STAM2: variants seen among roughly 807,000 people sequenced by gnomAD.
STAM2 encodes the protein signal transducing adaptor molecule 2.
In STAM2, 51 loss-of-function variants were observed where a neutral mutation model predicts 65.6. That is an observed-to-expected ratio of 0.78 (90% CI 0.62 to 0.98). The LOEUF (loss-of-function observed/expected upper bound fraction) is 0.98, where lower values mean the gene tolerates loss of function less well. STAM2 is among the 50% of genes least tolerant of loss of function. The probability of loss-of-function intolerance (pLI) is 0.00; values close to 1 mark genes in which losing one functional copy is unlikely to be tolerated. For missense variants in STAM2, 584 were observed against 617.8 expected, an observed-to-expected ratio of 0.95 and a Z score of 0.58; for synonymous variants, 198 against 208.4, an observed-to-expected ratio of 0.95 and a Z score of 0.43.
chr2:152,161,360 C>G (rs1055590701), intron 1 of STAM2, among the ~76,000 whole-genome samples: 8 of 151,034 alleles, frequency 5.3e-5, no homozygotes, highest in African/African-American at 1.9e-4. Context: ...ACAAACACTG[C>G]GGAAGGCTGC....
intron 11 of STAM2, among the ~76,000 whole-genome samples, chr2:152,131,011 GA>G (rs1560211670): frequency 7.6e-6 from 1 of 131,274 alleles, no homozygotes; most frequent in African/African-American, 2.8e-5. Flanking sequence ...AAAAAAAAAA[GA>G]AAAAAAGAAA....
chr2:152,142,413 C>T lies in STAM2; in HGVS notation c.704+1414G>A, dbSNP rs189847623. Among the ~76,000 whole-genome samples, 391 of 152,184 alleles carry T rather than the reference C, an allele frequency of 2.6e-3. 4 individuals carry two copies. The highest frequency in any genetic ancestry group is 8.7e-3 in the African/African-American group (363 of 41,504). On this transcript the variant is annotated intron_variant, in intron 7 of 13. Transcript: ENST00000263904. ...TCATAGTTGTATAAGAGTATCAAAA[C>T]GGTAAACCTAAGTTCTTTTGTAAGT... is the stretch of plus-strand genomic sequence containing the variant.
intron 1 of STAM2, among the ~76,000 whole-genome samples, chr2:152,173,885 T>C (rs1462718534): frequency 6.6e-6 from 1 of 152,220 alleles, no homozygotes; most frequent in Non-Finnish European, 1.5e-5. Flanking sequence ...ACCCTTAAAA[T>C]GCCTTTGGGG....
chr2:152,160,531 G>A (rs1389235275), intron 1 of STAM2, among the ~76,000 whole-genome samples: 9 of 151,672 alleles, frequency 5.9e-5, no homozygotes, highest in South Asian at 2.1e-4. Context: ...CCCTCCGCCC[G>A]GCAGCCACCG....
chr2:152,159,017 G>C (rs1311080476), intron 1 of STAM2, among the ~76,000 whole-genome samples: 1 of 146,522 alleles, frequency 6.8e-6, no homozygotes, highest in Non-Finnish European at 1.5e-5. Flanking sequence ...CTATTAATAG[G>C]AGGAAAAAAA....
In STAM2 at chr2:152,144,839, G is replaced by A. The variant is rs113775438; in HGVS notation, c.517+49C>T. 1.2e-5 allele frequency: 18 copies of A among 1,545,524 alleles called. No individual in the cohort carries two copies. The African/African-American group carries it at 1.4e-4, about 12-fold the overall frequency. ...GGCGTGAGCCACCGCGCCCAGCCCT[G>A]GCAAAGATATTTTAAGCAACACTAA... On this transcript the variant is annotated intron_variant, in intron 6 of 13. Coordinates refer to ENST00000263904, the MANE Select transcript of STAM2 (RefSeq NM_005843.6).
intron 1 of STAM2, among the ~76,000 whole-genome samples, chr2:152,156,369 G>C (rs188512490): frequency 6.6e-4 from 101 of 152,192 alleles, no homozygotes; most frequent in African/African-American, 2.3e-3. Flanking sequence ...TATGCACTTA[G>C]GAGTATTTTA....
intron 1 of STAM2, among the ~76,000 whole-genome samples, chr2:152,164,855 T>C (rs1052104756): frequency 2.6e-5 from 4 of 152,222 alleles, no homozygotes; most frequent in Admixed American, 2.0e-4. Flanking sequence ...TTTACTGTCC[T>C]TTAATATTTT....
At chr2:152,132,661 T>C (rs576421202) in intron 10 of STAM2, among the ~76,000 whole-genome samples, 1 of 142,718 alleles carries the variant, frequency 7.0e-6, no homozygotes, top group African/African-American at 2.6e-5. Context: ...TATATAAAGA[T>C]TTAAGAAGAA....
chr2:152,141,864 C>T (rs1253204487), intron 7 of STAM2, among the ~76,000 whole-genome samples: 1 of 152,134 alleles, frequency 6.6e-6, no homozygotes, highest in Non-Finnish European at 1.5e-5. Context: ...GCTGGGATTA[C>T]AGGTGTTAGC....
chr2:152,126,153 T>C, intron 12 of STAM2, 73 bp downstream of exon 12: 1 of 1,249,364 alleles, frequency 8.0e-7, no homozygotes, highest in Non-Finnish European at 1.1e-6. Flanking sequence ...CTTAATACTA[T>C]GCTATAAAAC....
chr2:152,161,466 T>C (rs959290509), intron 1 of STAM2, among the ~76,000 whole-genome samples: 3 of 120,896 alleles, frequency 2.5e-5, no homozygotes, highest in African/African-American at 9.6e-5. Flanking sequence ...CAAATCCCCC[T>C]CTGCGAGAAA....
chr2:152,126,106 G>T (rs746657575), intron 12 of STAM2, 120 bp downstream of exon 12: 8 of 866,988 alleles, frequency 9.2e-6, no homozygotes, highest in Admixed American at 3.8e-5. Flanking sequence ...AACAATCAAA[G>T]ATAAATTTTA....
chr2:152,154,568 A>C (rs980043028), intron 1 of STAM2, among the ~76,000 whole-genome samples: 3 of 152,222 alleles, frequency 2.0e-5, no homozygotes, highest in African/African-American at 4.8e-5. Flanking sequence ...CAGTGAGACA[A>C]GATCGCACCA....
intron 1 of STAM2, among the ~76,000 whole-genome samples, chr2:152,159,030 C>T (rs1416749603): frequency 1.4e-5 from 2 of 145,374 alleles, no homozygotes; most frequent in African/African-American, 5.2e-5. Flanking sequence ...GAAAAAAAAC[C>T]TCAATTGCTT....
intron 1 of STAM2, among the ~76,000 whole-genome samples, chr2:152,158,774 T>C (rs1212722591): frequency 2.0e-5 from 3 of 152,104 alleles, no homozygotes; most frequent in African/African-American, 7.2e-5. Context: ...AGGGCCTTCT[T>C]ACTGTGTCCT....
intron 1 of STAM2, among the ~76,000 whole-genome samples, chr2:152,161,203 AC>A (rs1689667191): frequency 6.6e-6 from 1 of 151,232 alleles, no homozygotes; most frequent in Non-Finnish European, 1.5e-5. Context: ...CTTACCCCCA[AC>A]CCTGTGCTCT....
intron 12 of STAM2, chr2:152,124,246 G>A (rs1399442495): frequency 4.1e-6 from 1 of 242,896 alleles, no homozygotes; most frequent in Non-Finnish European, 8.0e-6. Flanking sequence ...ATGTCTTGCT[G>A]TAGAGCCACA....
rs1579321680 is a variant in STAM2 at position 152,144,881 on chromosome 2, C to A, written c.517+7G>T. 1 of 1,612,474 alleles carries A rather than the reference C, an allele frequency of 6.2e-7. No homozygotes were observed. Among genetic ancestry groups the A allele is most frequent in the Non-Finnish European group, 8.5e-7 (1 of 1,178,582 alleles). On this transcript the variant is annotated splice_region_variant and intron_variant, in intron 6 of 13. Coordinates refer to ENST00000263904, the MANE Select transcript of STAM2 (RefSeq NM_005843.6). The stretch of plus-strand genomic sequence containing the variant: ...CAACACTAAATTACATGTGCTTGAT[C>A]ATTTACCTTTAGCTATGTCTTCATC...
Sources: allele counts gnomAD v4.1 joint callset (sites outside exome capture counted in the v4.1 genomes callset), GRCh38; gene constraint gnomAD v4.1.1; transcripts MANE v1.5; gene names NCBI Gene and HGNC (gene_info 2026-07-23, HGNC 2026-07-21).